The following LCORL variants were observed in gnomAD, a reference collection of about 807,000 sequenced individuals.
LCORL encodes the protein ligand-dependent nuclear receptor corepressor-like protein.
Under a neutral mutation model 141.8 loss-of-function variants are expected in LCORL, and 41 were observed. The ratio of observed to expected loss-of-function variants is 0.29; its 90% CI spans 0.23 to 0.38. The LOEUF (loss-of-function observed/expected upper bound fraction) is 0.38. Ranked by LOEUF, LCORL falls within the 10% of genes least tolerant of loss-of-function variation. The probability of loss-of-function intolerance (pLI) is 1.00; values close to 1 mark genes in which losing one functional copy is unlikely to be tolerated. For missense variants in LCORL, 1,759 were observed against 2,035.0 expected (o/e 0.86, Z 2.61); for synonymous variants, 618 against 694.1 (o/e 0.89, Z 1.72).
At chr4:17,895,783 T>C (rs1368257704) in intron 5 of LCORL, among the ~76,000 whole-genome samples, 2 of 152,220 alleles carry the variant, frequency 1.3e-5, no homozygotes. Flanking sequence ...AAACATTTCA[T>C]ACAAATAGAA....
chr4:17,874,054 C>A, exon 7 of LCORL: 2 of 1,234,082 alleles, frequency 1.6e-6, no homozygotes, highest in African/African-American at 3.1e-5. Context: ...GGGATGTCAG[C>A]ATTTGTTTCT....
intron 3 of LCORL, 67 bp downstream of exon 3, chr4:17,962,903 G>C: frequency 1.2e-6 from 1 of 821,312 alleles, no homozygotes. Flanking sequence ...AACAAATTAA[G>C]ATAAAAAAAA....
At chr4:17,954,334 A>G (rs1712128496) in intron 4 of LCORL, among the ~76,000 whole-genome samples, 1 of 152,226 alleles carries the variant, frequency 6.6e-6, no homozygotes, top group Non-Finnish European at 1.5e-5. Flanking sequence ...CAGAAGTAAC[A>G]GCAAGTCTAA....
At chr4:17,978,504 T>C (rs1423612125) in intron 1 of LCORL, among the ~76,000 whole-genome samples, 1 of 150,050 alleles carries the variant, frequency 6.7e-6, no homozygotes, top group Non-Finnish European at 1.5e-5. Context: ...GTGGCTGAAG[T>C]GGAGGAATGC....
chr4:17,903,712 G>GAAAATAGGCATGTTTT (rs946747141), intron 5 of LCORL, among the ~76,000 whole-genome samples: 4 of 152,000 alleles, frequency 2.6e-5, no homozygotes, highest in Non-Finnish European at 4.4e-5. Flanking sequence ...CAATGGAGAG[G>GAAAATAGGCATGTTTT]AAAATAGGCA....
chr4:17,865,448 C>A (rs1420470942), intron 7 of LCORL, among the ~76,000 whole-genome samples: 1 of 152,132 alleles, frequency 6.6e-6, no homozygotes, highest in Non-Finnish European at 1.5e-5. Flanking sequence ...CCTGCCTCAG[C>A]CTCCCAAAGT....
chr4:17,985,450 T>C (rs891505341), intron 1 of LCORL, among the ~76,000 whole-genome samples: 1 of 152,228 alleles, frequency 6.6e-6, no homozygotes, highest in African/African-American at 2.4e-5. Flanking sequence ...TGGTTGCTCC[T>C]CTGCTGGGTG....
intron 4 of LCORL, among the ~76,000 whole-genome samples, chr4:17,909,620 G>C (rs187183699): frequency 2.4e-4 from 36 of 152,082 alleles, no homozygotes; most frequent in African/African-American, 8.2e-4. Context: ...AGACATAGAA[G>C]CGGAACAACT....
At chr4:17,937,089 C>T (rs1736988475) in intron 4 of LCORL, among the ~76,000 whole-genome samples, 1 of 152,118 alleles carries the variant, frequency 6.6e-6, no homozygotes, top group Non-Finnish European at 1.5e-5. Flanking sequence ...TCCTTCTGAA[C>T]AATTCACAGG....
At chr4:17,943,206 C>T (rs1054784284) in intron 4 of LCORL, among the ~76,000 whole-genome samples, 16 of 152,042 alleles carry the variant, frequency 1.1e-4, no homozygotes, top group African/African-American at 1.9e-4. Flanking sequence ...GTATCTCCAC[C>T]GTATCCTACT....
intron 2 of LCORL, among the ~76,000 whole-genome samples, chr4:17,965,850 C>A (rs1577572353): frequency 6.6e-6 from 1 of 152,062 alleles, no homozygotes; most frequent in Non-Finnish European, 1.5e-5. Context: ...TAAATAACCT[C>A]ATTATTAATA....
intron 7 of LCORL, among the ~76,000 whole-genome samples, chr4:17,852,766 T>C (rs1723912312): frequency 1.3e-5 from 2 of 152,196 alleles, no homozygotes; most frequent in South Asian, 4.1e-4. Context: ...GTGTGAAAGA[T>C]GGAAATCTTT....
At chr4:17,862,526 A>T (rs1725133442) in intron 7 of LCORL, among the ~76,000 whole-genome samples, 1 of 152,220 alleles carries the variant, frequency 6.6e-6, no homozygotes, top group Admixed American at 6.5e-5. Context: ...AAAAGCAGAC[A>T]CATAGACCAA....
chr4:17,867,573 G>A (rs1360525181), intron 7 of LCORL, among the ~76,000 whole-genome samples: 1 of 152,174 alleles, frequency 6.6e-6, no homozygotes, highest in Non-Finnish European at 1.5e-5. Context: ...TGTGGAATCA[G>A]CCAAATTATG....
At chr4:17,939,549 C>T (rs980932127) in intron 4 of LCORL, among the ~76,000 whole-genome samples, 5 of 151,982 alleles carry the variant, frequency 3.3e-5, no homozygotes, top group Non-Finnish European at 7.4e-5. Flanking sequence ...TAATCCCTAG[C>T]TATTTATTAT....
At chr4:17,981,618 G>C (rs1718002952) in intron 1 of LCORL, among the ~76,000 whole-genome samples, 1 of 151,962 alleles carries the variant, frequency 6.6e-6, no homozygotes, top group Non-Finnish European at 1.5e-5. Context: ...TGCACCTGTA[G>C]TCCCAGCTAC....
intron 7 of LCORL, among the ~76,000 whole-genome samples, chr4:17,861,051 C>T (rs1171509904): frequency 6.6e-6 from 1 of 152,174 alleles, no homozygotes; most frequent in Non-Finnish European, 1.5e-5. Context: ...ATGGTGCAAG[C>T]TTTTGGTGGA....
intron 4 of LCORL, among the ~76,000 whole-genome samples, chr4:17,910,488 T>C (rs1490340663): frequency 6.6e-6 from 1 of 152,204 alleles, no homozygotes; most frequent in African/African-American, 2.4e-5. Context: ...ATCAGTGTTA[T>C]ATGAATAGGC....
At chr4:17,901,874 T>G (rs1730938116) in intron 5 of LCORL, among the ~76,000 whole-genome samples, 1 of 152,038 alleles carries the variant, frequency 6.6e-6, no homozygotes, top group Non-Finnish European at 1.5e-5. Context: ...TATAGGATAT[T>G]ATATAAAAAT....
Sources: gnomAD v4.1 joint callset for allele counts (sites outside exome capture counted in the v4.1 genomes callset) on GRCh38, gnomAD v4.1.1 for gene constraint, MANE v1.5 for transcripts, NCBI Gene and HGNC (gene_info 2026-07-23, HGNC 2026-07-21) for gene names.